The following LINGO2 variants were observed in gnomAD, a reference collection of about 807,000 sequenced individuals.
LINGO2 encodes leucine-rich repeat and immunoglobulin-like domain-containing nogo receptor-interacting protein 2.
In LINGO2, 14 loss-of-function variants were observed where a neutral mutation model predicts 30.6. The ratio of observed to expected loss-of-function variants is 0.46; its 90% CI spans 0.30 to 0.72. The LOEUF (loss-of-function observed/expected upper bound fraction) is 0.72. Among genes scored for constraint, LINGO2 ranks in the 30% least tolerant of loss-of-function variants. The pLI is 0.07. For missense variants in LINGO2, 729 were observed against 751.7 expected (o/e 0.97, Z 0.35); for synonymous variants, 317 against 288.5 (o/e 1.10, Z -1.00).
chr9:28,834,383 G>T, the LINGO2 span, among the ~76,000 whole-genome samples: 11 of 152,234 alleles, frequency 7.2e-5, no homozygotes, highest in Middle Eastern at 3.4e-3. Flanking sequence ...ACATAGAGAT[G>T]CCAGGAAGAT....
the LINGO2 span, among the ~76,000 whole-genome samples, chr9:28,801,514 G>A: frequency 1.6e-4 from 24 of 151,964 alleles, 1 homozygote; most frequent in Admixed American, 8.5e-4. Context: ...ATTAAGGGTA[G>A]CTAGAAATAT....
chr9:28,712,612 A>G, the LINGO2 span, among the ~76,000 whole-genome samples: 3 of 151,780 alleles, frequency 2.0e-5, no homozygotes, highest in Non-Finnish European at 4.4e-5. Flanking sequence ...TATGACTACA[A>G]TAAGGATTAA....
chr9:29,122,790 A>G, the LINGO2 span, among the ~76,000 whole-genome samples: 3 of 152,110 alleles, frequency 2.0e-5, no homozygotes, highest in Non-Finnish European at 4.4e-5. Flanking sequence ...ACTATGACCA[A>G]ACAGCTCACG....
At chr9:28,284,947 C>T (rs1310062170) in intron 4 of LINGO2, among the ~76,000 whole-genome samples, 1 of 152,158 alleles carries the variant, frequency 6.6e-6, no homozygotes, top group Non-Finnish European at 1.5e-5. Context: ...ACTGCCACTA[C>T]TGTAAGATGG....
chr9:28,040,316 T>C (rs569365585), intron 4 of LINGO2, among the ~76,000 whole-genome samples: 1 of 152,146 alleles, frequency 6.6e-6, no homozygotes, highest in Non-Finnish European at 1.5e-5. Flanking sequence ...CCTTCACTAC[T>C]AAAAATAAGT....
chr9:28,901,219 T>G, the LINGO2 span, among the ~76,000 whole-genome samples: 1 of 151,958 alleles, frequency 6.6e-6, no homozygotes. Flanking sequence ...CCAGGAAAAC[T>G]TCCAATCAGA....
intron 4 of LINGO2, among the ~76,000 whole-genome samples, chr9:28,045,561 A>G (rs1233819716): frequency 6.6e-6 from 1 of 152,234 alleles, no homozygotes; most frequent in African/African-American, 2.4e-5. Flanking sequence ...AAGATTGAGA[A>G]TTATTGTTCT....
At chr9:28,726,069 C>A in the LINGO2 span, among the ~76,000 whole-genome samples, 1 of 152,048 alleles carries the variant, frequency 6.6e-6, no homozygotes, top group Admixed American at 6.6e-5. Context: ...CTAGCATTTT[C>A]TAAGCTAAAT....
intron 4 of LINGO2, among the ~76,000 whole-genome samples, chr9:28,199,738 A>T (rs1049510816): frequency 1.3e-5 from 2 of 152,146 alleles, no homozygotes; most frequent in Admixed American, 1.3e-4. Context: ...ATTTTTTCAC[A>T]TATTAATTTT....
At chr9:28,192,573 T>C (rs2133780924) in intron 4 of LINGO2, among the ~76,000 whole-genome samples, 1 of 152,232 alleles carries the variant, frequency 6.6e-6, no homozygotes, top group East Asian at 1.9e-4. Context: ...CATAACCCAC[T>C]GGCCTGGCTC....
the LINGO2 span, among the ~76,000 whole-genome samples, chr9:29,200,306 G>T: frequency 1.3e-5 from 2 of 152,012 alleles, no homozygotes; most frequent in African/African-American, 4.8e-5. Context: ...CTAGATTTAG[G>T]TATAGAGTGA....
intron 1 of LINGO2, among the ~76,000 whole-genome samples, chr9:28,565,892 A>G (rs1162075195): frequency 6.6e-6 from 1 of 152,096 alleles, no homozygotes; most frequent in East Asian, 1.9e-4. Flanking sequence ...GGAAAGGTGA[A>G]AGGCTATATA....
the LINGO2 span, among the ~76,000 whole-genome samples, chr9:28,773,366 G>GGA: frequency 1.5e-5 from 2 of 132,230 alleles, no homozygotes; most frequent in African/African-American, 2.8e-5. Flanking sequence ...CTCCATCTCA[G>GGA]AAAAAAAAAA....
At chr9:28,891,289 G>A in the LINGO2 span, among the ~76,000 whole-genome samples, 1 of 151,808 alleles carries the variant, frequency 6.6e-6, no homozygotes, top group Non-Finnish European at 1.5e-5. Flanking sequence ...ATCTCTCTGG[G>A]ACTTAGTTTT....
the LINGO2 span, among the ~76,000 whole-genome samples, chr9:28,676,167 T>A: frequency 6.6e-6 from 1 of 151,440 alleles, no homozygotes; most frequent in South Asian, 2.1e-4. Context: ...TATAATAAAA[T>A]AGCTTTATAA....
At chr9:28,725,429 T>C in the LINGO2 span, among the ~76,000 whole-genome samples, 2 of 151,532 alleles carry the variant, frequency 1.3e-5, no homozygotes, top group South Asian at 4.2e-4. Context: ...TTCAACACAA[T>C]ATAAAGGCAA....
At chr9:28,384,925 T>C (rs1264522616) in intron 2 of LINGO2, among the ~76,000 whole-genome samples, 1 of 152,136 alleles carries the variant, frequency 6.6e-6, no homozygotes, top group Non-Finnish European at 1.5e-5. Context: ...ACTCCACTGT[T>C]TTCTTGTATC....
chr9:28,905,836 T>C, the LINGO2 span, among the ~76,000 whole-genome samples: 2 of 152,094 alleles, frequency 1.3e-5, no homozygotes, highest in Admixed American at 6.6e-5. Flanking sequence ...GAAATCAGTA[T>C]GTTGAAGAGA....
At chr9:28,497,731 C>A (rs920331417) in intron 1 of LINGO2, among the ~76,000 whole-genome samples, 2 of 152,158 alleles carry the variant, frequency 1.3e-5, no homozygotes, top group Non-Finnish European at 2.9e-5. Context: ...GGGGTAGAGG[C>A]ACTCTGATTT....
Sources: gnomAD v4.1 joint callset for allele counts (sites outside exome capture counted in the v4.1 genomes callset) on GRCh38, gnomAD v4.1.1 for gene constraint, MANE v1.5 for transcripts, NCBI Gene and HGNC (gene_info 2026-07-23, HGNC 2026-07-21) for gene names.